The following C10orf143 variants were observed in gnomAD, a reference collection of about 807,000 sequenced individuals.
The protein encoded by C10orf143 is uncharacterized protein C10orf143.
chr10:130,105,794 A>G (rs934158235), intron 1 of C10orf143, among the ~76,000 whole-genome samples: 2 of 152,188 alleles, frequency 1.3e-5, no homozygotes, highest in African/African-American at 4.8e-5. Context: ...TGCCTGGCCA[A>G]AACCAAACCA....
chr10:130,073,477 G>A (rs1861065674), intron 3 of C10orf143, among the ~76,000 whole-genome samples: 1 of 152,280 alleles, frequency 6.6e-6, no homozygotes, highest in Admixed American at 6.5e-5. Flanking sequence ...CTGGACGTGA[G>A]CATTCCAGTT....
At chr10:130,097,121 C>A (rs373405301) in intron 1 of C10orf143, among the ~76,000 whole-genome samples, 62 of 152,072 alleles carry the variant, frequency 4.1e-4, no homozygotes, top group African/African-American at 1.4e-3. Flanking sequence ...CCACTGCACC[C>A]AGCCCAGAAT....
intron 1 of C10orf143, among the ~76,000 whole-genome samples, chr10:130,080,723 C>A (rs1170588713): frequency 3.9e-5 from 6 of 152,232 alleles, no homozygotes; most frequent in African/African-American, 1.4e-4. Flanking sequence ...CACTTGCAAA[C>A]CACCTTTATC....
chr10:130,104,258 C>G (rs1465002980), intron 1 of C10orf143: 1 of 152,248 alleles, frequency 6.6e-6, no homozygotes, highest in Non-Finnish European at 1.5e-5. Flanking sequence ...TAAAACACTA[C>G]TGTCATTGAA....
intron 1 of C10orf143, among the ~76,000 whole-genome samples, chr10:130,088,910 C>T (rs563453224): frequency 1.3e-5 from 2 of 152,210 alleles, no homozygotes; most frequent in Non-Finnish European, 2.9e-5. Context: ...AGGATTCTCA[C>T]ACTGAACTCC....
intron 3 of C10orf143, among the ~76,000 whole-genome samples, chr10:130,040,633 G>A (rs960552968): frequency 9.9e-5 from 15 of 152,174 alleles, no homozygotes; most frequent in African/African-American, 3.6e-4. Context: ...AGGATTTCGA[G>A]ACCAACCTGG....
At chr10:130,040,141 C>T (rs756364183) in intron 3 of C10orf143, among the ~76,000 whole-genome samples, 28 of 152,110 alleles carry the variant, frequency 1.8e-4, no homozygotes, top group Non-Finnish European at 3.7e-4. Flanking sequence ...ATGCCCCCTC[C>T]CTAAGGGAGT....
Position 130,099,410 on chromosome 10 carries a change from T to A in C10orf143, c.69+11294A>T, listed in dbSNP as rs1861511485. ...GCTGCATCATCAGCTGGTTATTTAC[T>A]AGGTTCTCACGGCAAAGATCTTACT... is the stretch of plus-strand genomic sequence containing the variant. On this transcript the variant is annotated intron_variant, in intron 1 of 3. Coordinates refer to ENST00000637128, the MANE Select transcript of C10orf143 (RefSeq NM_001355042.2). 2.6e-5 allele frequency among the ~76,000 whole-genome samples: 4 copies of A among 152,322 alleles called. No homozygotes were observed. The South Asian group carries it at 8.3e-4, about 32-fold the overall frequency.
At chr10:130,050,684 G>C (rs1283461228) in intron 3 of C10orf143, among the ~76,000 whole-genome samples, 1 of 152,182 alleles carries the variant, frequency 6.6e-6, no homozygotes, top group Non-Finnish European at 1.5e-5. Context: ...GGGAGCATCT[G>C]AGTTCATTTC....
At chr10:130,079,311 C>T (rs1400306936) in intron 3 of C10orf143, among the ~76,000 whole-genome samples, 1 of 152,216 alleles carries the variant, frequency 6.6e-6, no homozygotes, top group African/African-American at 2.4e-5. Context: ...GTGGCCTGGT[C>T]CCTTTCCTAA....
chr10:130,066,097 G>A (rs2134746853), intron 3 of C10orf143: 1 of 152,304 alleles, frequency 6.6e-6, no homozygotes, highest in African/African-American at 2.4e-5. Context: ...TGTTCAAGGA[G>A]GGGTATACCT....
At chr10:130,106,850 G>A (rs1256734316) in intron 1 of C10orf143, 1 of 1,145,776 alleles carries the variant, frequency 8.7e-7, no homozygotes, top group East Asian at 2.3e-5. Context: ...GACTCTGACT[G>A]AACATTTGCT....
At position 130,106,897 on chromosome 10, in the gene C10orf143, C is replaced by T. The variant is rs750587597; in HGVS notation, c.69+3807G>A. On this transcript the variant is annotated intron_variant, in intron 1 of 3. Coordinates refer to ENST00000637128, the MANE Select transcript of C10orf143 (RefSeq NM_001355042.2). ...ATTGGGCTGCTAGGCTTAGAGAAGA[C>T]GTAACGGATGATGATAACTTAGAAG... 1.2e-4 allele frequency: 123 copies of T among 1,041,000 alleles called. 1 individual carries two copies. Among genetic ancestry groups the T allele is most frequent in the South Asian group, 2.1e-4 (17 of 79,522 alleles). 64.5% of individuals were successfully genotyped at this position (1,041,000 alleles called of 1,614,324 possible). A position where few individuals can be genotyped will look rare whatever the true frequency, so the allele number is the denominator to read the frequency against.
chr10:130,062,981 CCA>C (rs1860872985), downstream of C10orf143, among the ~76,000 whole-genome samples: 1 of 146,594 alleles, frequency 6.8e-6, no homozygotes, highest in African/African-American at 2.4e-5. Context: ...AACCTCCCCA[CCA>C]CACAGATGGG....
At chr10:130,102,909 T>C (rs1213402724) in intron 1 of C10orf143, among the ~76,000 whole-genome samples, 1 of 152,186 alleles carries the variant, frequency 6.6e-6, no homozygotes, top group Non-Finnish European at 1.5e-5. Context: ...TTTTTTTGCG[T>C]CCTTTTATTT....
chr10:130,053,957 GT>G (rs1457021063), intron 3 of C10orf143, among the ~76,000 whole-genome samples: 2 of 152,196 alleles, frequency 1.3e-5, no homozygotes, highest in Non-Finnish European at 2.9e-5. Flanking sequence ...ACGAGAGCAA[GT>G]GTGAGCCATC....
In C10orf143 at chr10:130,094,556, G is replaced by A. The variant is rs144351273; in HGVS notation, c.70-14655C>T. Among the ~76,000 whole-genome samples, 961 of 152,296 alleles carry A rather than the reference G, an allele frequency of 6.3e-3. 10 individuals carry two copies. The highest frequency in any genetic ancestry group is 0.022 in the African/African-American group (907 of 41,560). On this transcript the variant is annotated intron_variant, in intron 1 of 3. Transcript: ENST00000637128. Reference sequence around the variant, plus strand: ...ATCAAGTTGGCTTCATCCCTGGGATGCAAGGCTGGTTCAACATACACAAAT... The same window carrying A: ...ATCAAGTTGGCTTCATCCCTGGGATACAAGGCTGGTTCAACATACACAAAT...
chr10:130,052,531 T>C (rs574134683), intron 3 of C10orf143, among the ~76,000 whole-genome samples: 1 of 152,168 alleles, frequency 6.6e-6, no homozygotes, highest in Non-Finnish European at 1.5e-5. Flanking sequence ...CCAGACCAGC[T>C]TTGAGGAGGC....
intron 3 of C10orf143, among the ~76,000 whole-genome samples, chr10:130,075,914 G>C (rs867788243): frequency 2.6e-5 from 4 of 151,834 alleles, no homozygotes; most frequent in African/African-American, 9.7e-5. Context: ...GAGTCAACTA[G>C]ATCTCTTTTC....
Sources: gnomAD v4.1 joint callset for allele counts (sites outside exome capture counted in the v4.1 genomes callset) on GRCh38, gnomAD v4.1.1 for gene constraint, MANE v1.5 for transcripts, NCBI Gene and HGNC (gene_info 2026-07-23, HGNC 2026-07-21) for gene names.